TRDN: variants seen among roughly 807,000 people sequenced by gnomAD.
The protein encoded by TRDN is triadin.
Under a neutral mutation model 149.7 loss-of-function variants are expected in TRDN, and 161 were observed. That is an observed-to-expected ratio of 1.08 (90% CI 0.95 to 1.23). The LOEUF is 1.23. TRDN is among the 50% of genes most tolerant of loss of function. The pLI, the probability that TRDN is intolerant of heterozygous loss-of-function variation, is 0.00. For missense variants in TRDN, 896 were observed against 823.5 expected (o/e 1.09, Z -1.08); for synonymous variants, 294 against 250.5 (o/e 1.17, Z -1.64).
At chr6:123,272,137 A>G (rs1340118858) in intron 29 of TRDN, among the ~76,000 whole-genome samples, 1 of 151,958 alleles carries the variant, frequency 6.6e-6, no homozygotes, top group African/African-American at 2.4e-5. Context: ...AACAAATCAC[A>G]CAGACTAAAA....
chr6:123,322,830 G>A (rs1328260435), intron 23 of TRDN, among the ~76,000 whole-genome samples: 3 of 151,584 alleles, frequency 2.0e-5, no homozygotes, highest in Non-Finnish European at 4.4e-5. Context: ...TAGTAGAGAC[G>A]GGGTTTCACC....
chr6:123,388,852 G>A (rs1443435767), intron 13 of TRDN, among the ~76,000 whole-genome samples: 2 of 152,092 alleles, frequency 1.3e-5, no homozygotes, highest in African/African-American at 4.8e-5. Flanking sequence ...TTTTATATCT[G>A]AGGAAACCAC....
At chr6:123,501,907 C>T in intron 8 of TRDN, 1 of 980,922 alleles carries the variant, frequency 1.0e-6, no homozygotes, top group Non-Finnish European at 1.2e-6. Flanking sequence ...GGAAAATAAA[C>T]ATTATTTTAA....
At chr6:123,507,289 T>A (rs6937527) in intron 7 of TRDN, among the ~76,000 whole-genome samples, 1 of 151,938 alleles carries the variant, frequency 6.6e-6, no homozygotes, top group South Asian at 2.1e-4. Context: ...GAACTATAGA[T>A]GTGTGAAATT....
At chr6:123,468,917 C>T (rs1445228239) in intron 9 of TRDN, 1 of 152,070 alleles carries the variant, frequency 6.6e-6, no homozygotes, top group Non-Finnish European at 1.5e-5. Flanking sequence ...GCAATAAATC[C>T]TGGGACTGGA....
At chr6:123,604,613 G>A (rs968105857) in intron 1 of TRDN, among the ~76,000 whole-genome samples, 2 of 152,058 alleles carry the variant, frequency 1.3e-5, no homozygotes, top group Non-Finnish European at 2.9e-5. Context: ...AGAAATCTAG[G>A]GTTTTTGTGA....
chr6:123,349,094 G>A (rs1780358787), intron 21 of TRDN, among the ~76,000 whole-genome samples: 1 of 152,096 alleles, frequency 6.6e-6, no homozygotes, highest in Admixed American at 6.6e-5. Flanking sequence ...TAAAGGAATA[G>A]TGTTAGTGGA....
At chr6:123,602,849 A>G (rs902222419) in intron 1 of TRDN, among the ~76,000 whole-genome samples, 4 of 152,130 alleles carry the variant, frequency 2.6e-5, no homozygotes. Flanking sequence ...TCAAACCAGC[A>G]ACAAAGTAAA....
chr6:123,371,720 GTT>G (rs1781334672), intron 19 of TRDN, among the ~76,000 whole-genome samples: 1 of 152,006 alleles, frequency 6.6e-6, no homozygotes, highest in African/African-American at 2.4e-5. Context: ...GGCATTTTCA[GTT>G]TGGGGCTGGC....
Position 123,246,835 on chromosome 6 carries a change from T to C in TRDN, c.1975+5577A>G, listed in dbSNP as rs546861496. ...TTCAGGCCAATATCCCTGATGAACA[T>C]TGATGCAAAAGTCCTCAATAAAATA... On this transcript the variant is annotated intron_variant, in intron 38 of 40. Coordinates refer to ENST00000334268, the MANE Select transcript of TRDN (RefSeq NM_006073.4). Among the ~76,000 whole-genome samples, 19 of 151,546 alleles carry C rather than the reference T, an allele frequency of 1.3e-4. 1 individual carries two copies. Among genetic ancestry groups the C allele is most frequent in the South Asian group, 2.1e-4 (1 of 4,792 alleles).
At chr6:123,496,142 T>C (rs1208299421) in intron 9 of TRDN, among the ~76,000 whole-genome samples, 1 of 147,330 alleles carries the variant, frequency 6.8e-6, no homozygotes, top group Non-Finnish European at 1.5e-5. Context: ...AATTATAATA[T>C]ATATTTAGTG....
chr6:123,279,958 A>G (rs1199720059), intron 24 of TRDN, among the ~76,000 whole-genome samples: 2 of 152,194 alleles, frequency 1.3e-5, no homozygotes, highest in Non-Finnish European at 1.5e-5. Flanking sequence ...GACAAAATAC[A>G]TAAAACAATG....
At chr6:123,363,015 A>G (rs1464266355) in intron 20 of TRDN, among the ~76,000 whole-genome samples, 3 of 152,162 alleles carry the variant, frequency 2.0e-5, no homozygotes, top group Admixed American at 2.0e-4. Context: ...GCTTAAGATA[A>G]GACAATTTAT....
intron 21 of TRDN, chr6:123,350,585 G>T: frequency 1.4e-6 from 1 of 715,774 alleles, no homozygotes; most frequent in Non-Finnish European, 1.7e-6. Flanking sequence ...ACAATTTATA[G>T]AATGTCATTA....
At chr6:123,392,121 A>T (rs1772504126) in intron 13 of TRDN, among the ~76,000 whole-genome samples, 1 of 152,002 alleles carries the variant, frequency 6.6e-6, no homozygotes, top group South Asian at 2.1e-4. Flanking sequence ...ATTTCCTTCC[A>T]AGGATAATTC....
At chr6:123,534,265 G>C (rs1780409060) in intron 4 of TRDN, among the ~76,000 whole-genome samples, 1 of 152,142 alleles carries the variant, frequency 6.6e-6, no homozygotes, top group Non-Finnish European at 1.5e-5. Flanking sequence ...AGCAGAACTA[G>C]TAAAGACATA....
intron 1 of TRDN, among the ~76,000 whole-genome samples, chr6:123,609,016 T>A (rs977535641): frequency 1.3e-5 from 2 of 151,806 alleles, no homozygotes; most frequent in Non-Finnish European, 2.9e-5. Flanking sequence ...CTACTAAAAA[T>A]ACAAAAATTA....
At chr6:123,462,905 T>C (rs1776537359) in intron 10 of TRDN, 3 of 152,176 alleles carry the variant, frequency 2.0e-5, no homozygotes, top group Admixed American at 2.0e-4. Flanking sequence ...TGCCTGATAA[T>C]ATAGACTCCC....
intron 9 of TRDN, among the ~76,000 whole-genome samples, chr6:123,493,419 T>A (rs1441765541): frequency 6.6e-6 from 1 of 152,112 alleles, no homozygotes; most frequent in Non-Finnish European, 1.5e-5. Flanking sequence ...ATAGACGAAA[T>A]CTTAGCTAAA....
Sources: gnomAD v4.1 joint callset for allele counts (sites outside exome capture counted in the v4.1 genomes callset) on GRCh38, gnomAD v4.1.1 for gene constraint, MANE v1.5 for transcripts, NCBI Gene and HGNC (gene_info 2026-07-23, HGNC 2026-07-21) for gene names.